The following CHST8 variants were observed in gnomAD, a reference collection of about 807,000 sequenced individuals.
The protein encoded by CHST8 is GALNAC-4-ST1.
A neutral mutation model predicts 15.0 loss-of-function variants in CHST8; 10 were observed. The observed-to-expected ratio is 0.67, with a 90% CI of 0.41 to 1.13. The LOEUF is 1.13. Ranked by LOEUF, CHST8 falls within the 50% of genes most tolerant of loss-of-function variation. The pLI, the probability that CHST8 is intolerant of heterozygous loss-of-function variation, is 0.00. For missense variants in CHST8, 634 were observed against 608.2 expected, an observed-to-expected ratio of 1.04 and a Z score of -0.45; for synonymous variants, 259 against 256.6, an observed-to-expected ratio of 1.01 and a Z score of -0.09.
chr19:33,757,593 A>G (rs1252998938), intron 3 of CHST8, among the ~76,000 whole-genome samples: 1 of 144,660 alleles, frequency 6.9e-6, no homozygotes, highest in East Asian at 2.0e-4. Context: ...AGAAAGAAAG[A>G]AAGAAAGAAA....
At chr19:33,738,870 A>G (rs185114285) in intron 3 of CHST8, among the ~76,000 whole-genome samples, 1 of 152,264 alleles carries the variant, frequency 6.6e-6, no homozygotes, top group East Asian at 1.9e-4. Flanking sequence ...GATTACAGGC[A>G]TGAGCCACCG....
At chr19:33,681,911 G>A (rs1007876210) in intron 2 of CHST8, among the ~76,000 whole-genome samples, 1 of 151,430 alleles carries the variant, frequency 6.6e-6, no homozygotes, top group African/African-American at 2.4e-5. Flanking sequence ...TTGTCACCCA[G>A]GCTGGAGTGC....
chr19:33,761,380 A>G lies in CHST8; in HGVS notation c.131-10033A>G, dbSNP rs1974725355. ...AGTCTCACTCTGTCATCCAGGCTGG[A>G]GTGCAGTGGCACAATCTCAGCTCAC... On this transcript the variant is annotated intron_variant, in intron 3 of 4. Transcript: ENST00000650847. Among the ~76,000 whole-genome samples the G allele has an allele frequency of 1.3e-5, 2 of 151,682 alleles. 1 individual carries two copies. The highest frequency in any genetic ancestry group is 4.2e-4 in the South Asian group (2 of 4,800).
chr19:33,699,726 G>A (rs368658458), intron 3 of CHST8, among the ~76,000 whole-genome samples: 1 of 152,186 alleles, frequency 6.6e-6, no homozygotes, highest in Non-Finnish European at 1.5e-5. Context: ...TGGAGAAAGT[G>A]TGGCCTTCAC....
chr19:33,727,944 C>A (rs1032885891), intron 3 of CHST8, among the ~76,000 whole-genome samples: 9 of 152,218 alleles, frequency 5.9e-5, no homozygotes, highest in African/African-American at 1.9e-4. Context: ...TCTGGCCCAG[C>A]CCCGGCCCAC....
intron 3 of CHST8, among the ~76,000 whole-genome samples, chr19:33,749,752 C>T (rs1974379602): frequency 6.6e-6 from 1 of 152,168 alleles, no homozygotes; most frequent in African/African-American, 2.4e-5. Context: ...AGGCCCCAGG[C>T]TGCTGAGCCA....
intron 3 of CHST8, among the ~76,000 whole-genome samples, chr19:33,748,677 A>G (rs549540417): frequency 1.3e-4 from 20 of 152,270 alleles, no homozygotes; most frequent in Admixed American, 3.9e-4. Flanking sequence ...ATTGCAGGAG[A>G]CGCACACAGC....
chr19:33,714,048 G>A (rs1234188105), intron 3 of CHST8, among the ~76,000 whole-genome samples: 2 of 152,128 alleles, frequency 1.3e-5, no homozygotes, highest in African/African-American at 4.8e-5. Flanking sequence ...ATCACCTGTG[G>A]AGGTGTTAAA....
intron 3 of CHST8, among the ~76,000 whole-genome samples, chr19:33,756,344 G>A (rs1974546792): frequency 6.6e-6 from 1 of 152,208 alleles, no homozygotes; most frequent in Non-Finnish European, 1.5e-5. Flanking sequence ...TGCATGGTGT[G>A]TGTCTGGGCT....
intron 3 of CHST8, among the ~76,000 whole-genome samples, chr19:33,705,317 T>G (rs972537095): frequency 1.3e-5 from 2 of 152,122 alleles, no homozygotes; most frequent in African/African-American, 4.8e-5. Context: ...GTGGCATTGT[T>G]TGGTTCAGCA....
chr19:33,702,941 G>A (rs758779526), intron 3 of CHST8, among the ~76,000 whole-genome samples: 26 of 152,354 alleles, frequency 1.7e-4, no homozygotes, highest in South Asian at 2.1e-4. Context: ...AAGGCTGGGG[G>A]CTGGGGAGGG....
chr19:33,729,916 A>C (rs954514877), intron 3 of CHST8, among the ~76,000 whole-genome samples: 2 of 152,206 alleles, frequency 1.3e-5, no homozygotes, highest in African/African-American at 2.4e-5. Context: ...TCTTCAAACT[A>C]GTTTTGCTGG....
At chr19:33,732,042 GC>G (rs903271597) in intron 3 of CHST8, among the ~76,000 whole-genome samples, 4 of 152,184 alleles carry the variant, frequency 2.6e-5, no homozygotes, top group Non-Finnish European at 5.9e-5. Context: ...CTTCAACCCA[GC>G]CAGCTCTGCC....
chr19:33,723,817 T>G (rs1412534231), intron 3 of CHST8, among the ~76,000 whole-genome samples: 2 of 152,222 alleles, frequency 1.3e-5, no homozygotes, highest in African/African-American at 4.8e-5. Flanking sequence ...CCCTGGCATC[T>G]CTGGGCCGCC....
intron 3 of CHST8, among the ~76,000 whole-genome samples, chr19:33,763,700 C>A (rs1036413610): frequency 6.6e-6 from 1 of 152,230 alleles, no homozygotes; most frequent in Non-Finnish European, 1.5e-5. Context: ...CCAGGCTGCC[C>A]GCTCATTGCT....
intron 1 of CHST8, among the ~76,000 whole-genome samples, chr19:33,660,971 G>C (rs935836243): frequency 1.3e-5 from 2 of 152,280 alleles, no homozygotes; most frequent in East Asian, 3.9e-4. Flanking sequence ...TGCATCACTA[G>C]TAGCCTGGCC....
intron 2 of CHST8, among the ~76,000 whole-genome samples, chr19:33,673,119 G>A (rs1029693009): frequency 6.6e-6 from 1 of 152,286 alleles, no homozygotes; most frequent in African/African-American, 2.4e-5. Flanking sequence ...TGTGTGGTCC[G>A]TGGGCGAGGT....
chr19:33,722,516 A>AT (rs1370828514), intron 3 of CHST8, among the ~76,000 whole-genome samples: 1 of 152,098 alleles, frequency 6.6e-6, no homozygotes, highest in Admixed American at 6.5e-5. Context: ...TCCAGAAGCT[A>AT]TTTTCTTGCA....
chr19:33,684,175 G>A (rs1279262456), intron 2 of CHST8, among the ~76,000 whole-genome samples: 1 of 152,202 alleles, frequency 6.6e-6, no homozygotes, highest in African/African-American at 2.4e-5. Flanking sequence ...TAGGGCTATG[G>A]TGGCAAGCTT....
Sources: gnomAD v4.1 joint callset for allele counts (sites outside exome capture counted in the v4.1 genomes callset) on GRCh38, gnomAD v4.1.1 for gene constraint, MANE v1.5 for transcripts, NCBI Gene and HGNC (gene_info 2026-07-23, HGNC 2026-07-21) for gene names.